The following ALYREF variants were observed in gnomAD, a reference collection of about 807,000 sequenced individuals.
ALYREF encodes THO complex subunit 4.
Under a neutral mutation model 25.2 loss-of-function variants are expected in ALYREF, and 1 was observed. The ratio of observed to expected loss-of-function variants is 0.04; its 90% CI spans 0.01 to 0.19. ALYREF has a LOEUF of 0.19. Among genes scored for constraint, ALYREF ranks in the 10% least tolerant of loss-of-function variants. The pLI, the probability that ALYREF is intolerant of heterozygous loss-of-function variation, is 1.00. For missense variants in ALYREF, 328 were observed against 375.6 expected (o/e 0.87, Z 1.05); for synonymous variants, 193 against 153.5 (o/e 1.26, Z -1.90).
rs1392307857 is a variant in ALYREF, at chr17:81,888,030, A to C, written c.*101T>G. ...AATCCTATTTTAAAACATAAAAGAA[A>C]CAAATCCATCATTGGCCGCACAGCC... On this transcript the variant is annotated 3_prime_UTR_variant, in exon 6 of 6. Coordinates refer to ENST00000505490, the MANE Select transcript of ALYREF (RefSeq NM_005782.4). This position sits in a 1 kb window ranked among gnomAD's most constrained non-coding sequence, Gnocchi z 5.8. 1.8e-5 allele frequency: 26 copies of C among 1,438,364 alleles called. No homozygotes were observed. The highest frequency in any genetic ancestry group is 2.3e-5 in the Non-Finnish European group (24 of 1,051,528). 89.1% of individuals were successfully genotyped at this position (1,438,364 alleles called of 1,614,324 possible). A position where few individuals can be genotyped will look rare whatever the true frequency, so the allele number is the denominator to read the frequency against.
chr17:81,888,350 C>G lies in ALYREF; in HGVS notation c.671G>C (p.Arg224Thr). 1.9e-6 allele frequency: 3 copies of G among 1,603,356 alleles called. No homozygotes were observed. The South Asian group carries it at 3.3e-5, about 18-fold the overall frequency. ...GGFGGGGGTR[R>T]GTRGGARGRG... The stretch of plus-strand genomic sequence containing the variant: ...TCCACGGGCGCCTCCGCGGGTGCCT[C>G]TCCGGGTGCCTCCACCACCACCAAA... The change falls in exon 5 of 6, where the codon AGA (arginine) becomes ACA (threonine). Residue 224 changes from arginine (R) to threonine (T), a missense_variant. Around this residue, in one of 3 missense-constraint regions of ALYREF, gnomAD observed 108 missense variants for 110.5 expected, o/e 0.98. Coordinates refer to ENST00000505490, the MANE Select transcript of ALYREF (RefSeq NM_005782.4). The surrounding 1 kb of genome is among the most constrained non-coding windows in gnomAD (Gnocchi z 5.8).
At chr17:81,889,533 T>C (rs1444120341) in intron 2 of ALYREF, among the ~76,000 whole-genome samples, 1 of 152,108 alleles carries the variant, frequency 6.6e-6, no homozygotes, top group African/African-American at 2.4e-5. Flanking sequence ...CCTGCCATTG[T>C]GGGGACCTGA....
Position 81,888,841 on chromosome 17 carries a change from G to A in ALYREF, c.539-258C>T. 7.1e-7 allele frequency: 1 copy of A among 1,417,428 alleles called. No homozygotes were observed. Among genetic ancestry groups the A allele is most frequent in the Non-Finnish European group, 9.2e-7 (1 of 1,088,426 alleles). The allele number at this position is 1,417,428 out of a possible 1,614,324, so 87.8% of individuals were successfully genotyped here. ...AGGTATCGGGGTGCTCGTGGGTGGA[G>A]AGGTGTGGGTGACCTGACGAAGAAG... On this transcript the variant is annotated intron_variant, in intron 3 of 5. Transcript: ENST00000505490. The surrounding 1 kb of genome is among the most constrained non-coding windows in gnomAD (Gnocchi z 5.8).
In ALYREF at chr17:81,891,365, C is replaced by A; in HGVS notation, c.216G>T (p.Ala72=). The change falls in exon 1 of 6, where the codon GCG becomes GCT. Residue 72 remains alanine (A), a synonymous_variant. Transcript: ENST00000505490. ...GTCGGTTCCTGCCGCCTCCGCCGGC[C>A]GCGCCGCGGGCGATGGCCGGCCGGT... ...IRNRPAIARG[A]AGGGGRNRPA... is the part of the protein sequence containing the mutation. 8.7e-7 allele frequency: 1 copy of A among 1,151,662 alleles called. No individual in the cohort carries two copies. Among genetic ancestry groups the A allele is most frequent in the Non-Finnish European group, 1.1e-6 (1 of 934,922 alleles). 71.3% of individuals were successfully genotyped at this position (1,151,662 alleles called of 1,614,324 possible).
Position 81,889,251 on chromosome 17 carries a change from C to A in ALYREF, c.469G>T (p.Asp157Tyr), listed in dbSNP as rs1183491718. 1 of 1,614,276 alleles carries A rather than the reference C, an allele frequency of 6.2e-7. No homozygotes were observed. Residue 157 changes from aspartate to tyrosine, a missense_variant, in exon 3 of 6, where the codon GAC becomes TAC. By Grantham distance (160) the Asp-to-Tyr change is radical (BLOSUM62 -3). Coordinates refer to ENST00000505490, the MANE Select transcript of ALYREF (RefSeq NM_005782.4). ...TCTGCCTTCCGCTCAAAGTGCACGT[C>A]TGCTGTTCCTAAGCTGCGACCAGAG... Reference protein sequence around the residue: ...DRSGRSLGTADVHFERKADAL... With the variant: ...DRSGRSLGTAYVHFERKADAL...
intron 2 of ALYREF, among the ~76,000 whole-genome samples, chr17:81,890,217 G>C (rs1368900465): frequency 1.3e-5 from 2 of 152,074 alleles, no homozygotes; most frequent in East Asian, 3.9e-4. Context: ...CGGCGGTGGG[G>C]AGTGATAAAA....
At position 81,891,570 on chromosome 17, in the gene ALYREF, G is replaced by C. The variant is rs987240833; in HGVS notation, c.11C>G (p.Ser4Cys). 4 of 1,439,102 alleles carry C rather than the reference G, an allele frequency of 2.8e-6. No homozygotes were observed. The highest frequency in any genetic ancestry group is 3.0e-5 in the African/African-American group (2 of 66,870). The allele number at this position is 1,439,102 out of a possible 1,614,324, so 89.1% of individuals were successfully genotyped here. Residue 4 changes from serine to cysteine, a missense_variant, in exon 1 of 6, where the codon TCC (serine) becomes TGC (cysteine). Physicochemically the swap from Ser to Cys is moderately radical, Grantham distance 112 (BLOSUM62 -1). This residue lies in a region of ALYREF where 150 missense variants were observed against 135.3 expected (regional missense o/e 1.11). Transcript: ENST00000505490. ...CATTTTGTCGGCCATGGCGGGCGCG[G>C]AATCGGGCATCGGCTCGAGCCCGCG... MPD[S>C]APAMADKMDM...
rs2039461790 is a variant in ALYREF at position 81,888,494 on chromosome 17, C to G, written c.602+26G>C. The G allele has an allele frequency of 6.2e-7, 1 of 1,601,962 alleles. No homozygotes were observed. Among genetic ancestry groups the G allele is most frequent in the African/African-American group, 1.3e-5 (1 of 74,752 alleles). On this transcript the variant is annotated intron_variant, in intron 4 of 5. Transcript: ENST00000505490. The surrounding 1 kb of genome is among the most constrained non-coding windows in gnomAD (Gnocchi z 5.8). ...ACGCAGCCTCACCCTCGGCCAATCC[C>G]CTTCCCCAGAGGCCCCGGAAGTCAC... is the stretch of plus-strand genomic sequence containing the variant.
At chr17:81,890,878 AC>A in intron 1 of ALYREF, 58 bp from the exon 2 acceptor site, 1 of 1,610,998 alleles carries the variant, frequency 6.2e-7, no homozygotes, top group Admixed American at 1.7e-5. Context: ...GGCTTTCCTG[AC>A]CCTCACGGCT....
At chr17:81,890,630 A>C in intron 2 of ALYREF, 59 bp downstream of exon 2, 1 of 1,589,148 alleles carries the variant, frequency 6.3e-7, no homozygotes, top group Non-Finnish European at 8.5e-7. Flanking sequence ...CCACATCCCC[A>C]AAATCACGAT....
chr17:81,889,362 C>T (rs2039472123), intron 2 of ALYREF, 33 bp from the exon 3 acceptor site: 2 of 1,606,988 alleles, frequency 1.2e-6, no homozygotes, highest in African/African-American at 1.3e-5. Flanking sequence ...GTCAGAAAAG[C>T]AACAAAACTG....
intron 1 of ALYREF, 183 bp downstream of exon 1, chr17:81,891,140 C>G (rs62077241): frequency 1.2e-5 from 7 of 595,484 alleles, no homozygotes; most frequent in Non-Finnish European, 1.5e-5. Flanking sequence ...GACCGGACCC[C>G]GAAAGAACGA....
Position 81,888,509 on chromosome 17 carries a change from C to G in ALYREF, c.602+11G>C, listed in dbSNP as rs2039461835. The G allele has an allele frequency of 6.3e-7, 1 of 1,599,494 alleles. No homozygotes were observed. Among genetic ancestry groups the G allele is most frequent in the Non-Finnish European group, 8.5e-7 (1 of 1,172,272 alleles). ...CGGCCAATCCCCTTCCCCAGAGGCC[C>G]CGGAAGTCACCTCTGTGCAGGCCTC... On this transcript the variant is annotated intron_variant, in intron 4 of 5. Coordinates refer to ENST00000505490, the MANE Select transcript of ALYREF (RefSeq NM_005782.4). This position sits in a 1 kb window ranked among gnomAD's most constrained non-coding sequence, Gnocchi z 5.8.
rs1240056876 is a variant in ALYREF at position 81,889,236 on chromosome 17, G to A, written c.484C>T (p.Arg162Trp). The change falls in exon 3 of 6, where the codon CGG (arginine) becomes TGG (tryptophan). Residue 162 changes from arginine to tryptophan, a missense_variant. Physicochemically the swap from Arg to Trp is moderately radical, Grantham distance 101. Coordinates refer to ENST00000505490, the MANE Select transcript of ALYREF (RefSeq NM_005782.4). ...SLGTADVHFE[R>W]KADALKAMKQ... The stretch of plus-strand genomic sequence containing the variant: ...ATGGCCTTCAGGGCATCTGCCTTCC[G>A]CTCAAAGTGCACGTCTGCTGTTCCT... 4.3e-6 allele frequency: 7 copies of A among 1,614,094 alleles called. No individual in the cohort carries two copies. Among genetic ancestry groups the A allele is most frequent in the South Asian group, 1.1e-5 (1 of 91,088 alleles).
In ALYREF at chr17:81,889,344, GAGC is replaced by G. The variant is rs1567862170; in HGVS notation, c.391-18_391-16del. 2 of 1,610,558 alleles carry G rather than the reference GAGC, an allele frequency of 1.2e-6. No homozygotes were observed. Among genetic ancestry groups the G allele is most frequent in the Non-Finnish European group, 1.7e-6 (2 of 1,176,884 alleles). On this transcript the variant is annotated splice_polypyrimidine_tract_variant and intron_variant, in intron 2 of 5. Coordinates refer to ENST00000505490, the MANE Select transcript of ALYREF (RefSeq NM_005782.4). ...GCAAAGAGTTCCTGGGAGTTGCAGA[GAGC>G]AGTTGTCAGAAAAGCAACAAAACTG...
intron 1 of ALYREF, 50 bp downstream of exon 1, chr17:81,891,272 GC>G (rs2039523203): frequency 9.2e-7 from 1 of 1,085,450 alleles, no homozygotes. Context: ...CCCGGCCCCA[GC>G]CCCGGCTGGC....
At position 81,891,403 on chromosome 17, in the gene ALYREF, C is replaced by G; in HGVS notation, c.178G>C (p.Gly60Arg). 9.4e-7 allele frequency: 1 copy of G among 1,066,692 alleles called. No homozygotes were observed. The highest frequency in any genetic ancestry group is 1.1e-6 in the Non-Finnish European group (1 of 884,736). The allele number at this position is 1,066,692 out of a possible 1,614,324, so 66.1% of individuals were successfully genotyped here. ...QAAARVNRGGGPIRNRPAIAR... is the reference protein window; with the variant it reads ...QAAARVNRGGRPIRNRPAIAR... ...ATGGCCGGCCGGTTCCGGATGGGCC[C>G]GCCGCCTCGATTCACTCGCGCGGCG... The change falls in exon 1 of 6, where the codon GGG (glycine) becomes CGG (arginine). Residue 60 changes from glycine (G) to arginine (R), a missense_variant. Gly to Arg is a moderately radical substitution (Grantham distance 125). Around this residue, in one of 3 missense-constraint regions of ALYREF, gnomAD observed 150 missense variants for 135.3 expected, o/e 1.11. Transcript: ENST00000505490.
Position 81,888,400 on chromosome 17 carries a change from C to T in ALYREF, c.621G>A (p.Met207Ile), listed in dbSNP as rs1232146762. ...AACCTCCAGCGCCACGGTTTCTAGT[C>T]ATGCCACCTCTGTTTACGCTAGCAA... is the stretch of plus-strand genomic sequence containing the variant. ...RPAQSVNRGG[M>I]TRNRGAGGFG... Residue 207 changes from methionine to isoleucine, a missense_variant, in exon 5 of 6, where the codon ATG becomes ATA. Met to Ile is a conservative substitution (Grantham distance 10, BLOSUM62 1). Coordinates refer to ENST00000505490, the MANE Select transcript of ALYREF (RefSeq NM_005782.4). The surrounding 1 kb of genome is among the most constrained non-coding windows in gnomAD (Gnocchi z 5.8). 1 of 1,599,458 alleles carries T rather than the reference C, an allele frequency of 6.3e-7. No homozygotes were observed. Among genetic ancestry groups the T allele is most frequent in the African/African-American group, 1.3e-5 (1 of 74,628 alleles).
Position 81,888,091 on chromosome 17 carries a change from A to G in ALYREF, c.*40T>C. 2 of 1,613,138 alleles carry G rather than the reference A, an allele frequency of 1.2e-6. No homozygotes were observed. Among genetic ancestry groups the G allele is most frequent in the Non-Finnish European group, 1.7e-6 (2 of 1,179,834 alleles). On this transcript the variant is annotated 3_prime_UTR_variant, in exon 6 of 6. Coordinates refer to ENST00000505490, the MANE Select transcript of ALYREF (RefSeq NM_005782.4). The surrounding 1 kb of genome is among the most constrained non-coding windows in gnomAD (Gnocchi z 5.8). ...CCCCCCAACCAGGGAGCAAGAGGAG[A>G]CGCCTGGGTCCTGTTCCGCACGCGG...
Sources: allele counts gnomAD v4.1 joint callset (sites outside exome capture counted in the v4.1 genomes callset), GRCh38; gene constraint gnomAD v4.1.1; regional missense constraint gnomAD v4.1.1; non-coding constraint Gnocchi (gnomAD v3.1); transcripts MANE v1.5; gene names NCBI Gene and HGNC (gene_info 2026-07-23, HGNC 2026-07-21).